Variants in EPN2 observed in about 807,000 individuals in gnomAD.
EPN2 encodes the protein epsin-2.
A neutral mutation model predicts 61.7 loss-of-function variants in EPN2; 34 were observed. The observed-to-expected ratio is 0.55, with a 90% CI of 0.42 to 0.73. EPN2 has a LOEUF of 0.73. EPN2 is among the 30% of genes least tolerant of loss of function. The probability of loss-of-function intolerance (pLI) is 0.00; values close to 1 mark genes in which losing one functional copy is unlikely to be tolerated. For synonymous variants in EPN2, 349 were observed against 353.6 expected (o/e 0.99, Z 0.15); for missense variants, 714 against 839.2 (o/e 0.85, Z 1.84).
At chr17:19,288,659 G>A (rs966922825) in intron 4 of EPN2, among the ~76,000 whole-genome samples, 4 of 152,182 alleles carry the variant, frequency 2.6e-5, no homozygotes, top group Non-Finnish European at 5.9e-5. Context: ...GGGGTGGAGC[G>A]TGGCAGAGGT....
At chr17:19,317,595 G>A (rs1253447796) in intron 7 of EPN2, among the ~76,000 whole-genome samples, 1 of 152,162 alleles carries the variant, frequency 6.6e-6, no homozygotes, top group African/African-American at 2.4e-5. Context: ...GGAGGCGACC[G>A]GGACACAGGC....
At chr17:19,314,681 G>C (rs1906304196) in intron 7 of EPN2, among the ~76,000 whole-genome samples, 1 of 152,196 alleles carries the variant, frequency 6.6e-6, no homozygotes, top group South Asian at 2.1e-4. Flanking sequence ...CTGGGCCTTG[G>C]GAAAAGCCCC....
chr17:19,309,166 C>T (rs1287028293), intron 4 of EPN2, among the ~76,000 whole-genome samples: 5 of 136,692 alleles, frequency 3.7e-5, no homozygotes, highest in South Asian at 2.3e-4. Flanking sequence ...TTTTTTGAGA[C>T]GGAGTCTCGC....
intron 7 of EPN2, among the ~76,000 whole-genome samples, chr17:19,317,534 T>C (rs943745239): frequency 3.9e-5 from 6 of 152,150 alleles, no homozygotes; most frequent in African/African-American, 1.4e-4. Flanking sequence ...TGCCTCCCTG[T>C]GCACATGAAT....
chr17:19,328,078 G>C (rs914543946), intron 7 of EPN2, among the ~76,000 whole-genome samples: 6 of 151,808 alleles, frequency 4.0e-5, no homozygotes, highest in Non-Finnish European at 8.8e-5. Context: ...TTTTTTCTCT[G>C]TTTTTTAAAG....
At chr17:19,292,592 C>T (rs1171734309) in intron 4 of EPN2, among the ~76,000 whole-genome samples, 3 of 152,230 alleles carry the variant, frequency 2.0e-5, no homozygotes, top group Non-Finnish European at 4.4e-5. Flanking sequence ...CATGAACACA[C>T]CCTCAGAGGC....
chr17:19,304,735 A>C (rs2152228390), intron 4 of EPN2, among the ~76,000 whole-genome samples: 1 of 152,342 alleles, frequency 6.6e-6, no homozygotes, highest in African/African-American at 2.4e-5. Context: ...AAGCTCAAAG[A>C]GGTCAGGCTA....
At chr17:19,274,800 C>G (rs1307580951) in intron 1 of EPN2, among the ~76,000 whole-genome samples, 2 of 152,226 alleles carry the variant, frequency 1.3e-5, no homozygotes, top group Admixed American at 6.5e-5. Flanking sequence ...CCCAGCATCT[C>G]AAGCCTTCAG....
intron 4 of EPN2, among the ~76,000 whole-genome samples, chr17:19,292,161 C>T (rs1420287087): frequency 1.3e-5 from 2 of 152,220 alleles, no homozygotes; most frequent in Non-Finnish European, 2.9e-5. Context: ...GGATCCTGGG[C>T]CAGCTGAGGT....
At chr17:19,310,451 T>A (rs1455753221) in intron 5 of EPN2, among the ~76,000 whole-genome samples, 1 of 152,126 alleles carries the variant, frequency 6.6e-6, no homozygotes, top group Non-Finnish European at 1.5e-5. Context: ...TGGGAAAAAA[T>A]GCTCCCGAAA....
intron 1 of EPN2, among the ~76,000 whole-genome samples, chr17:19,241,485 C>G (rs1454342966): frequency 6.6e-6 from 1 of 150,684 alleles, no homozygotes; most frequent in East Asian, 2.0e-4. Context: ...ACTCGGGAGG[C>G]TGAGGCAGGA....
At chr17:19,258,210 A>G (rs976652547) in intron 1 of EPN2, among the ~76,000 whole-genome samples, 5 of 152,144 alleles carry the variant, frequency 3.3e-5, no homozygotes, top group East Asian at 1.9e-4. Flanking sequence ...GGTGAGGAAG[A>G]TGATTTCAGT....
chr17:19,259,849 A>G (rs945851445), intron 1 of EPN2, among the ~76,000 whole-genome samples: 2 of 152,008 alleles, frequency 1.3e-5, no homozygotes, highest in South Asian at 2.1e-4. Flanking sequence ...TATCTTTACC[A>G]TGGGTATTCT....
chr17:19,288,657 G>A (rs1024968143), intron 4 of EPN2, among the ~76,000 whole-genome samples: 1 of 152,200 alleles, frequency 6.6e-6, no homozygotes, highest in Non-Finnish European at 1.5e-5. Flanking sequence ...TGGGGGTGGA[G>A]CGTGGCAGAG....
At position 19,260,749 on chromosome 17, in the gene EPN2, C is replaced by G. The variant is rs1288605135; in HGVS notation, c.-293-21206C>G. 3.3e-5 allele frequency among the ~76,000 whole-genome samples: 5 copies of G among 151,846 alleles called. No homozygotes were observed. In the East Asian group the frequency reaches 9.6e-4, roughly 29 times the overall value. ...CACTCCTGATCTCATCTCTGTCCTC[C>G]CTCCTCCCTGGTAACCACCTGTAGC... On this transcript the variant is annotated intron_variant, in intron 1 of 10. Transcript: ENST00000314728.
At chr17:19,254,625 T>G (rs1298069773) in intron 1 of EPN2, among the ~76,000 whole-genome samples, 1 of 152,134 alleles carries the variant, frequency 6.6e-6, no homozygotes, top group Non-Finnish European at 1.5e-5. Context: ...CTCTTCTGAT[T>G]GTTTCTGGTG....
intron 1 of EPN2, among the ~76,000 whole-genome samples, chr17:19,259,830 G>A (rs914352678): frequency 8.6e-5 from 13 of 152,038 alleles, no homozygotes; most frequent in African/African-American, 3.1e-4. Flanking sequence ...AGGAAGGGAC[G>A]GACTTCTTTA....
chr17:19,283,096 A>C lies in EPN2; in HGVS notation c.-24A>C. 1 of 1,576,324 alleles carries C rather than the reference A, an allele frequency of 6.3e-7. No homozygotes were observed. Among genetic ancestry groups the C allele is most frequent in the Non-Finnish European group, 8.7e-7 (1 of 1,153,822 alleles). Reference sequence around the variant, plus strand: ...AAGGTTTCTCTGTTTGAAGGGCTTTAAACTTATAACAAAGAAAATAAAAAT... The same window carrying C: ...AAGGTTTCTCTGTTTGAAGGGCTTTCAACTTATAACAAAGAAAATAAAAAT... On this transcript the variant is annotated 5_prime_UTR_variant, in exon 3 of 11. Coordinates refer to ENST00000314728, the MANE Select transcript of EPN2 (RefSeq NM_014964.5). The surrounding 1 kb of genome is among the most constrained non-coding windows in gnomAD (Gnocchi z 7.0).
intron 1 of EPN2, among the ~76,000 whole-genome samples, chr17:19,251,613 T>C (rs1282394124): frequency 6.6e-6 from 1 of 152,168 alleles, no homozygotes; most frequent in Non-Finnish European, 1.5e-5. Context: ...TTTGTATTTT[T>C]AGTAGAGACA....
Sources: gnomAD v4.1 joint callset for allele counts (sites outside exome capture counted in the v4.1 genomes callset) on GRCh38, gnomAD v4.1.1 for gene constraint, Gnocchi (gnomAD v3.1) non-coding constraint, MANE v1.5 for transcripts, NCBI Gene and HGNC (gene_info 2026-07-23, HGNC 2026-07-21) for gene names.